NRCAM: variants seen among roughly 807,000 people sequenced by gnomAD.
NRCAM encodes NgCAM-related cell adhesion molecule.
NRCAM carries 83 observed loss-of-function variants against 156.5 expected under a neutral mutation model. The observed-to-expected ratio is 0.53, with a 90% confidence interval of 0.44 to 0.64. The LOEUF (loss-of-function observed/expected upper bound fraction) is 0.64, where lower values mean the gene tolerates loss of function less well. NRCAM is among the 30% of genes least tolerant of loss of function. The pLI, the probability that NRCAM is intolerant of heterozygous loss-of-function variation, is 0.00. For synonymous variants in NRCAM, 538 were observed against 563.9 expected (o/e 0.95, Z 0.65); for missense variants, 1,417 against 1,597.3 (o/e 0.89, Z 1.92).
chr7:108,299,482 A>C (rs2098546284), intron 3 of NRCAM, among the ~76,000 whole-genome samples: 1 of 152,220 alleles, frequency 6.6e-6, no homozygotes, highest in Non-Finnish European at 1.5e-5. Context: ...CATATAAAAG[A>C]TAAGAATACC....
chr7:108,172,149 A>G (rs1289787984), intron 28 of NRCAM, among the ~76,000 whole-genome samples: 1 of 152,230 alleles, frequency 6.6e-6, no homozygotes, highest in African/African-American at 2.4e-5. Flanking sequence ...GATTACATGC[A>G]ATGGATATGG....
chr7:108,258,156 G>A (rs1488217916), intron 3 of NRCAM, among the ~76,000 whole-genome samples: 1 of 152,178 alleles, frequency 6.6e-6, no homozygotes, highest in Non-Finnish European at 1.5e-5. Context: ...AATTCTGCCA[G>A]TTTCCTTCAG....
rs1215236655 is a variant in NRCAM at position 108,147,766 on chromosome 7, AAGAG to A, written c.*2140_*2143del. 6.6e-6 allele frequency: 1 copy of A among 152,598 alleles called. No individual in the cohort carries two copies. The highest frequency in any genetic ancestry group is 1.5e-5 in the Non-Finnish European group (1 of 68,040). The allele number at this position is 152,598 out of a possible 1,614,324, so 9.5% of individuals were successfully genotyped here. The stretch of plus-strand genomic sequence containing the variant: ...ACTCAATTGGGAACATAAATTACAA[AAGAG>A]AGAGGAACTTTTAAAACCACATTTA... On this transcript the variant is annotated 3_prime_UTR_variant, in exon 33 of 33. Coordinates refer to ENST00000379028, the MANE Select transcript of NRCAM (RefSeq NM_001037132.4).
intron 1 of NRCAM, among the ~76,000 whole-genome samples, chr7:108,416,130 G>A (rs895405614): frequency 2.6e-5 from 4 of 152,188 alleles, no homozygotes; most frequent in Admixed American, 2.6e-4. Context: ...GCTGATGTGA[G>A]CCCATCCCTC....
intron 1 of NRCAM, among the ~76,000 whole-genome samples, chr7:108,406,511 T>C (rs1417048126): frequency 6.6e-6 from 1 of 152,256 alleles, no homozygotes; most frequent in Non-Finnish European, 1.5e-5. Context: ...ACTCATTTCA[T>C]GTCTCCTTCC....
At chr7:108,184,879 C>A in intron 20 of NRCAM, among the ~76,000 whole-genome samples, 1 of 151,990 alleles carries the variant, frequency 6.6e-6, no homozygotes, top group Admixed American at 6.5e-5. Context: ...ATTTGACCAC[C>A]TTTTCATATA....
chr7:108,415,929 C>T (rs541005336), intron 1 of NRCAM, among the ~76,000 whole-genome samples: 14 of 152,328 alleles, frequency 9.2e-5, no homozygotes, highest in Admixed American at 3.9e-4. Flanking sequence ...GAGAGGGCTC[C>T]GTGGTTTCCA....
chr7:108,302,244 C>T (rs1245616999), intron 3 of NRCAM, among the ~76,000 whole-genome samples: 1 of 152,118 alleles, frequency 6.6e-6, no homozygotes, highest in Non-Finnish European at 1.5e-5. Context: ...AAATTTTCTT[C>T]ATTCAGATCA....
At chr7:108,243,975 T>C (rs1314766442) in intron 3 of NRCAM, among the ~76,000 whole-genome samples, 1 of 152,208 alleles carries the variant, frequency 6.6e-6, no homozygotes, top group Non-Finnish European at 1.5e-5. Flanking sequence ...TTACTTACTA[T>C]GTATTTCAAA....
At chr7:108,391,875 TTTTC>T (rs1417297281) in intron 2 of NRCAM, among the ~76,000 whole-genome samples, 2 of 152,190 alleles carry the variant, frequency 1.3e-5, no homozygotes, top group Non-Finnish European at 2.9e-5. Context: ...TTGAAAATTC[TTTTC>T]TTTAAGAATG....
At chr7:108,367,511 G>T (rs113499919) in intron 2 of NRCAM, among the ~76,000 whole-genome samples, 4,335 of 152,154 alleles carry the variant, frequency 0.028, 211 homozygotes, top group African/African-American at 0.098. Flanking sequence ...TTCATTGTTT[G>T]CTCAGTAATA....
chr7:108,204,655 C>T (rs983921459), intron 13 of NRCAM, among the ~76,000 whole-genome samples: 1 of 152,220 alleles, frequency 6.6e-6, no homozygotes, highest in Non-Finnish European at 1.5e-5. Flanking sequence ...TCTCCCTGCA[C>T]GTCCACTAGA....
At chr7:108,244,906 C>T (rs1336154187) in intron 3 of NRCAM, among the ~76,000 whole-genome samples, 1 of 152,116 alleles carries the variant, frequency 6.6e-6, no homozygotes. Flanking sequence ...AACTAATGAT[C>T]TTATTTGATA....
intron 19 of NRCAM, among the ~76,000 whole-genome samples, chr7:108,190,850 T>C (rs1340030176): frequency 6.6e-6 from 1 of 152,206 alleles, no homozygotes; most frequent in Non-Finnish European, 1.5e-5. Flanking sequence ...CAAAACAAGA[T>C]TTTTCCCAAA....
At chr7:108,189,206 T>G (rs2069431924) in intron 20 of NRCAM, among the ~76,000 whole-genome samples, 1 of 152,136 alleles carries the variant, frequency 6.6e-6, no homozygotes, top group Non-Finnish European at 1.5e-5. Context: ...CTACGCCCAG[T>G]TCTGTTACCA....
intron 20 of NRCAM, among the ~76,000 whole-genome samples, chr7:108,189,428 T>A (rs997620043): frequency 6.6e-6 from 1 of 152,182 alleles, no homozygotes; most frequent in South Asian, 2.1e-4. Context: ...TTAGTCAACA[T>A]CTTCAGCAAT....
Position 108,413,560 on chromosome 7 carries a change from TA to T in NRCAM, c.-331-13968del, listed in dbSNP as rs201596150. Among the ~76,000 whole-genome samples the T allele has an allele frequency of 7.8e-3, 1,185 of 152,244 alleles. 64 individuals are homozygous for T. The highest frequency in any genetic ancestry group is 0.072 in the Admixed American group (1,106 of 15,276). ...CCTCCTCCAGGAAGCCCTCCTTGATTAATTACCTTGATCTCACACATTTTTA... is the reference window on the plus strand; with the variant it reads ...CCTCCTCCAGGAAGCCCTCCTTGATTATTACCTTGATCTCACACATTTTTA... On this transcript the variant is annotated intron_variant, in intron 1 of 32. Transcript: ENST00000379028.
At position 108,448,048 on chromosome 7, in the gene NRCAM, T is replaced by C. The variant is rs981632735; in HGVS notation, c.-332+8195A>G. On this transcript the variant is annotated intron_variant, in intron 1 of 32. Transcript: ENST00000379028. ...ATGGTTTTAGGACAGCAGTGAACCC[T>C]TGACATCTATTTACCTTCCATTATA... Among the ~76,000 whole-genome samples, 6 of 152,210 alleles carry C rather than the reference T, an allele frequency of 3.9e-5. No individual in the cohort carries two copies. In the East Asian group the frequency reaches 5.8e-4, roughly 15 times the overall value.
intron 1 of NRCAM, among the ~76,000 whole-genome samples, chr7:108,418,595 ACACACG>A (rs1433524994): frequency 2.8e-5 from 4 of 142,366 alleles, no homozygotes; most frequent in Admixed American, 7.0e-5. Context: ...ACACACACAC[ACACACG>A]CACTGAAAGT....
Sources: gnomAD v4.1 joint callset for allele counts (sites outside exome capture counted in the v4.1 genomes callset) on GRCh38, gnomAD v4.1.1 for gene constraint, MANE v1.5 for transcripts, NCBI Gene and HGNC (gene_info 2026-07-23, HGNC 2026-07-21) for gene names.